MRAP2: variants seen among roughly 807,000 people sequenced by gnomAD.
The protein encoded by MRAP2 is melanocortin-2 receptor accessory protein 2.
A neutral mutation model predicts 17.4 loss-of-function variants in MRAP2; 20 were observed. The observed-to-expected ratio is 1.15, with a 90% CI of 0.81 to 1.67. MRAP2 has a LOEUF of 1.67. MRAP2 is among the 40% of genes most tolerant of loss of function. The probability of loss-of-function intolerance (pLI) is 0.00; values close to 1 mark genes in which losing one functional copy is unlikely to be tolerated. For missense variants in MRAP2, 238 were observed against 240.0 expected (o/e 0.99, Z 0.05); for synonymous variants, 96 against 88.4 (o/e 1.09, Z -0.48).
the MRAP2 span, among the ~76,000 whole-genome samples, chr6:84,097,060 C>T: frequency 2.0e-5 from 3 of 152,140 alleles, no homozygotes; most frequent in African/African-American, 4.8e-5. Flanking sequence ...TATCATAAGT[C>T]GGGTTACTTC....
rs546678659 is a variant in MRAP2, at chr6:84,089,507, C to T, written c.*26C>T. On this transcript the variant is annotated 3_prime_UTR_variant, in exon 4 of 4. Coordinates refer to ENST00000257776, the MANE Select transcript of MRAP2 (RefSeq NM_138409.4). ...GAAACATGCTCTGTAAAGGGTCTTC[C>T]TGAAGATGTGGATTCTATCTTTATG... 1 of 1,587,912 alleles carries T rather than the reference C, an allele frequency of 6.3e-7. No homozygotes were observed. Among genetic ancestry groups the T allele is most frequent in the Admixed American group, 1.7e-5 (1 of 57,240 alleles).
the MRAP2 span, among the ~76,000 whole-genome samples, chr6:84,101,635 T>A: frequency 6.6e-6 from 1 of 152,218 alleles, no homozygotes; most frequent in African/African-American, 2.4e-5. Flanking sequence ...AGCACTAATC[T>A]TTACTAAAGC....
chr6:84,036,069 G>C (rs866336454), intron 1 of MRAP2, among the ~76,000 whole-genome samples: 6 of 150,730 alleles, frequency 4.0e-5, no homozygotes, highest in Middle Eastern at 3.5e-3. Context: ...ATTATACCAA[G>C]CTATGATATT....
the MRAP2 span, among the ~76,000 whole-genome samples, chr6:84,121,773 A>G: frequency 1.3e-5 from 2 of 152,210 alleles, no homozygotes; most frequent in South Asian, 4.1e-4. Flanking sequence ...GAGACATAAC[A>G]TACCAAAACC....
chr6:84,035,136 T>G (rs964233103), intron 1 of MRAP2, among the ~76,000 whole-genome samples: 1 of 152,186 alleles, frequency 6.6e-6, no homozygotes, highest in African/African-American at 2.4e-5. Context: ...ATCTTTCTTT[T>G]CAAAGTGAGG....
the MRAP2 span, among the ~76,000 whole-genome samples, chr6:84,113,968 C>G: frequency 6.6e-6 from 1 of 152,152 alleles, no homozygotes. Flanking sequence ...ATGGGTTTCC[C>G]TTTGTGGGTA....
At chr6:84,117,296 T>C in the MRAP2 span, among the ~76,000 whole-genome samples, 1 of 152,362 alleles carries the variant, frequency 6.6e-6, no homozygotes, top group Admixed American at 6.5e-5. Context: ...GTACTGGGAT[T>C]ACAGGTGTGA....
rs1453032714 is a variant in MRAP2 at position 84,090,336 on chromosome 6, G to A, written c.*855G>A. On this transcript the variant is annotated 3_prime_UTR_variant, in exon 4 of 4. Coordinates refer to ENST00000257776, the MANE Select transcript of MRAP2 (RefSeq NM_138409.4). The stretch of plus-strand genomic sequence containing the variant: ...CAGGAGACTCATCTTACACAGTCAT[G>A]GTGGCCAATGTTTCTGGTGGGTTGT... 1 of 152,156 alleles carries A rather than the reference G, an allele frequency of 6.6e-6. No homozygotes were observed. Among genetic ancestry groups the A allele is most frequent in the East Asian group, 1.9e-4 (1 of 5,184 alleles). 9.4% of individuals were successfully genotyped at this position (152,156 alleles called of 1,614,324 possible).
At chr6:84,052,739 G>C (rs1403382912) in intron 1 of MRAP2, 1 of 941,280 alleles carries the variant, frequency 1.1e-6, no homozygotes, top group South Asian at 4.9e-5. Context: ...CCTGGGGAGA[G>C]CTGGTGTCAC....
downstream of MRAP2, among the ~76,000 whole-genome samples, chr6:84,095,091 G>C (rs926355399): frequency 2.0e-5 from 3 of 152,212 alleles, no homozygotes; most frequent in African/African-American, 7.2e-5. Flanking sequence ...GTCTCACAGT[G>C]TGGAGAAGCA....
At chr6:84,145,000 A>G in the MRAP2 span, among the ~76,000 whole-genome samples, 3 of 152,164 alleles carry the variant, frequency 2.0e-5, no homozygotes, top group Non-Finnish European at 4.4e-5. Flanking sequence ...AACATCAGTT[A>G]TACTATCAAG....
chr6:84,106,102 A>T, the MRAP2 span, among the ~76,000 whole-genome samples: 1 of 152,150 alleles, frequency 6.6e-6, no homozygotes, highest in African/African-American at 2.4e-5. Context: ...CTGTAACTGT[A>T]TCTTCAAATG....
At chr6:84,077,594 A>C (rs1045590759) in intron 3 of MRAP2, among the ~76,000 whole-genome samples, 4 of 152,206 alleles carry the variant, frequency 2.6e-5, no homozygotes, top group African/African-American at 7.2e-5. Context: ...ATGTTTTGAA[A>C]ATTTCAGAGT....
At chr6:84,107,156 G>A in the MRAP2 span, among the ~76,000 whole-genome samples, 1 of 152,022 alleles carries the variant, frequency 6.6e-6, no homozygotes, top group Non-Finnish European at 1.5e-5. Flanking sequence ...AGACCTGTTG[G>A]AGAGGCTTCT....
intron 1 of MRAP2, chr6:84,052,750 A>G (rs2099490758): frequency 1.0e-6 from 1 of 969,778 alleles, no homozygotes; most frequent in South Asian, 4.8e-5. Flanking sequence ...CTGGTGTCAC[A>G]TTTCATTCTG....
chr6:84,041,767 A>G (rs530431082), intron 1 of MRAP2, among the ~76,000 whole-genome samples: 2 of 152,226 alleles, frequency 1.3e-5, no homozygotes, highest in Non-Finnish European at 2.9e-5. Context: ...TATTTACCCA[A>G]TGCCTGTACC....
chr6:84,064,887 G>T (rs950764117), intron 3 of MRAP2, among the ~76,000 whole-genome samples: 1 of 152,152 alleles, frequency 6.6e-6, no homozygotes, highest in Non-Finnish European at 1.5e-5. Flanking sequence ...GGCATCTGTT[G>T]TTCACTCTTC....
intron 1 of MRAP2, among the ~76,000 whole-genome samples, chr6:84,051,953 C>T (rs1237157065): frequency 6.6e-6 from 1 of 152,188 alleles, no homozygotes; most frequent in Non-Finnish European, 1.5e-5. Flanking sequence ...GCCACACTAC[C>T]CTGTGCACAC....
At chr6:84,079,569 A>C (rs1009982054) in intron 3 of MRAP2, among the ~76,000 whole-genome samples, 2 of 152,234 alleles carry the variant, frequency 1.3e-5, no homozygotes, top group South Asian at 2.1e-4. Flanking sequence ...CATTGATGAT[A>C]AGAATGGTAA....
Sources: allele counts gnomAD v4.1 joint callset (sites outside exome capture counted in the v4.1 genomes callset), GRCh38; gene constraint gnomAD v4.1.1; transcripts MANE v1.5; gene names NCBI Gene and HGNC (gene_info 2026-07-23, HGNC 2026-07-21).